Variants in COLGALT2 observed in about 807,000 individuals in gnomAD.
COLGALT2 encodes collagen beta(1-O)galactosyltransferase 2, also known as procollagen galactosyltransferase 2.
COLGALT2 carries 49 observed loss-of-function variants against 73.4 expected under a neutral mutation model. The ratio of observed to expected loss-of-function variants is 0.67; its 90% CI spans 0.53 to 0.85. The LOEUF (loss-of-function observed/expected upper bound fraction) is 0.85, where lower values mean the gene tolerates loss of function less well. COLGALT2 is among the 40% of genes least tolerant of loss of function. The probability of loss-of-function intolerance (pLI) is 0.00; values close to 1 mark genes in which losing one functional copy is unlikely to be tolerated. For missense variants in COLGALT2, 722 were observed against 790.2 expected (o/e 0.91, Z 1.03); for synonymous variants, 295 against 307.6 (o/e 0.96, Z 0.43).
intron 1 of COLGALT2, among the ~76,000 whole-genome samples, chr1:184,005,252 C>T (rs1672041286): frequency 6.6e-6 from 1 of 152,198 alleles, no homozygotes. Context: ...TAAAAAGTGT[C>T]AGCTCCTCAG....
At chr1:184,015,490 A>G (rs774368268) in intron 1 of COLGALT2, among the ~76,000 whole-genome samples, 29 of 152,288 alleles carry the variant, frequency 1.9e-4, no homozygotes, top group Non-Finnish European at 2.9e-4. Context: ...TGAGAGTCCA[A>G]TTCCCGCCAT....
In COLGALT2 at chr1:183,936,524, GA is replaced by G. The variant is rs924230076; in HGVS notation, c.*2236del. On this transcript the variant is annotated 3_prime_UTR_variant, in exon 12 of 12. Transcript: ENST00000361927. Reference sequence around the variant, plus strand: ...GTCAGACCAGCTGACAGGGGAACAGGAAAAAAAAAATTCTCTATTAAACAAA... The same window carrying G: ...GTCAGACCAGCTGACAGGGGAACAGGAAAAAAAAATTCTCTATTAAACAAA... The G allele has an allele frequency of 2.9e-4, 295 of 1,014,152 alleles. No homozygotes were observed. The highest frequency in any genetic ancestry group is 1.4e-3 in the East Asian group (18 of 12,444). The allele number at this position is 1,014,152 out of a possible 1,614,324, so 62.8% of individuals were successfully genotyped here.
chr1:183,972,026 C>T (rs761778715), intron 4 of COLGALT2, among the ~76,000 whole-genome samples: 2 of 152,216 alleles, frequency 1.3e-5, no homozygotes, highest in Admixed American at 6.5e-5. Context: ...CAGCACACTA[C>T]TGACCTTATT....
intron 6 of COLGALT2, among the ~76,000 whole-genome samples, chr1:183,955,416 G>A (rs1670525861): frequency 6.6e-6 from 1 of 151,994 alleles, no homozygotes; most frequent in African/African-American, 2.4e-5. Flanking sequence ...GTCAAAGTGG[G>A]GGACTATTTT....
chr1:184,023,742 G>A (rs1418622451), intron 1 of COLGALT2, among the ~76,000 whole-genome samples: 1 of 151,722 alleles, frequency 6.6e-6, no homozygotes, highest in East Asian at 1.9e-4. Flanking sequence ...CCTGCAACAC[G>A]TACACTTATG....
chr1:184,010,191 T>C (rs1572674736), intron 1 of COLGALT2, among the ~76,000 whole-genome samples: 1 of 152,180 alleles, frequency 6.6e-6, no homozygotes, highest in Non-Finnish European at 1.5e-5. Flanking sequence ...CGACTCAAGG[T>C]ATGGCCATTA....
chr1:184,033,598 ACTTGATGC>A (rs1649580779), intron 1 of COLGALT2, among the ~76,000 whole-genome samples: 4 of 152,252 alleles, frequency 2.6e-5, no homozygotes, highest in Non-Finnish European at 5.9e-5. Context: ...ATCTGAATAA[ACTTGATGC>A]TGACTGAGAT....
chr1:183,943,004 T>C (rs182764748), intron 10 of COLGALT2, among the ~76,000 whole-genome samples: 3 of 152,330 alleles, frequency 2.0e-5, no homozygotes, highest in African/African-American at 7.2e-5. Flanking sequence ...CTGTGAGGCC[T>C]TAACCACAGG....
intron 10 of COLGALT2, among the ~76,000 whole-genome samples, chr1:183,943,354 C>T (rs1670164821): frequency 6.6e-6 from 1 of 152,154 alleles, no homozygotes; most frequent in African/African-American, 2.4e-5. Context: ...CTTTGACACA[C>T]AGCTGGGAGC....
At chr1:183,985,458 G>C (rs1671461976) in intron 1 of COLGALT2, among the ~76,000 whole-genome samples, 1 of 152,054 alleles carries the variant, frequency 6.6e-6, no homozygotes, top group African/African-American at 2.4e-5. Flanking sequence ...TTTTAGTAGA[G>C]ATGGGGTTTC....
At chr1:184,026,796 G>T (rs1313240470) in intron 1 of COLGALT2, among the ~76,000 whole-genome samples, 1 of 152,140 alleles carries the variant, frequency 6.6e-6, no homozygotes, top group African/African-American at 2.4e-5. Flanking sequence ...CAAGATTAGG[G>T]TATATAAGGA....
chr1:183,945,109 T>G (rs963517885), intron 9 of COLGALT2, among the ~76,000 whole-genome samples: 2 of 152,236 alleles, frequency 1.3e-5, no homozygotes, highest in Non-Finnish European at 2.9e-5. Flanking sequence ...GTGTGATTTC[T>G]TGTATAAAAT....
chr1:183,940,358 T>C (rs1009998697), intron 11 of COLGALT2, among the ~76,000 whole-genome samples: 9 of 152,220 alleles, frequency 5.9e-5, no homozygotes, highest in African/African-American at 2.2e-4. Flanking sequence ...ACAAACTGGA[T>C]ATTACAAGAA....
At chr1:183,954,566 T>G (rs1283003470) in intron 7 of COLGALT2, among the ~76,000 whole-genome samples, 196 bp downstream of exon 7, 2 of 152,260 alleles carry the variant, frequency 1.3e-5, no homozygotes, top group Admixed American at 1.3e-4. Flanking sequence ...ACTACATTTA[T>G]CATGATACTC....
Position 183,936,877 on chromosome 1 carries a change from G to A in COLGALT2, c.*1884C>T. Reference sequence around the variant, plus strand: ...AAGGGTACCCACAGTGAGTCGGGAAGGAAGGCCGAGGCTGGCGTCTGGTGG... The same window carrying A: ...AAGGGTACCCACAGTGAGTCGGGAAAGAAGGCCGAGGCTGGCGTCTGGTGG... On this transcript the variant is annotated 3_prime_UTR_variant, in exon 12 of 12. Coordinates refer to ENST00000361927, the MANE Select transcript of COLGALT2 (RefSeq NM_015101.4). 1 of 1,231,788 alleles carries A rather than the reference G, an allele frequency of 8.1e-7. No homozygotes were observed. Among genetic ancestry groups the A allele is most frequent in the Non-Finnish European group, 1.0e-6 (1 of 988,030 alleles). 76.3% of individuals were successfully genotyped at this position (1,231,788 alleles called of 1,614,324 possible). A position where few individuals can be genotyped will look rare whatever the true frequency, so the allele number is the denominator to read the frequency against.
intron 1 of COLGALT2, among the ~76,000 whole-genome samples, chr1:183,979,166 A>G (rs1042612126): frequency 6.6e-6 from 1 of 152,174 alleles, no homozygotes; most frequent in Admixed American, 6.5e-5. Flanking sequence ...TGCCTGTTCT[A>G]CCCTGAAAGT....
chr1:184,005,004 T>A (rs6424922), intron 1 of COLGALT2, among the ~76,000 whole-genome samples: 66,253 of 151,780 alleles, frequency 0.44, 19,126 homozygotes, highest in African/African-American at 0.81. Flanking sequence ...TGTCATTTCT[T>A]TTAACAAGGA....
chr1:183,971,074 G>C (rs2102813937), intron 4 of COLGALT2, among the ~76,000 whole-genome samples: 1 of 152,330 alleles, frequency 6.6e-6, no homozygotes, highest in South Asian at 2.1e-4. Context: ...AGGAAGCAGG[G>C]AGAGTGAGGG....
chr1:184,025,079 C>T (rs906180416), intron 1 of COLGALT2, among the ~76,000 whole-genome samples: 1 of 152,196 alleles, frequency 6.6e-6, no homozygotes, highest in African/African-American at 2.4e-5. Flanking sequence ...CAATGGTATT[C>T]GCACAGGCGT....
Sources: allele counts gnomAD v4.1 joint callset (sites outside exome capture counted in the v4.1 genomes callset), GRCh38; gene constraint gnomAD v4.1.1; transcripts MANE v1.5; gene names NCBI Gene and HGNC (gene_info 2026-07-23, HGNC 2026-07-21).